TRIM69: variants seen among roughly 807,000 people sequenced by gnomAD.
The protein encoded by TRIM69 is tripartite motif containing 69.
In TRIM69, 29 loss-of-function variants were observed where a neutral mutation model predicts 37.7. That is an observed-to-expected ratio of 0.77 (90% CI 0.57 to 1.05). TRIM69 has a LOEUF of 1.05. Ranked by LOEUF, TRIM69 falls within the 50% of genes least tolerant of loss-of-function variation. The probability of loss-of-function intolerance (pLI) is 0.00; values close to 1 mark genes in which losing one functional copy is unlikely to be tolerated. For missense variants in TRIM69, 596 were observed against 579.9 expected (o/e 1.03, Z -0.28); for synonymous variants, 209 against 212.4 (o/e 0.98, Z 0.14).
At position 44,767,665 on chromosome 15, in the gene TRIM69, T is replaced by TA; in HGVS notation, c.1397dup (p.Tyr466Ter). The change falls in exon 7 of 7, where the codon TAC (tyrosine) becomes TAAC (stop). Residue 466 changes from tyrosine to a stop codon, truncating the protein, a stop_gained and frameshift_variant. Coordinates refer to ENST00000329464, the MANE Select transcript of TRIM69 (RefSeq NM_182985.5). LOFTEE classifies it high-confidence loss of function. The part of the protein sequence containing the change: ...FYNAKTMTHI[Y>*]TFSNTFMEKL... ...CAATGCTAAAACCATGACTCACATT[T>TA]ACACCTTCAGTAACACTTTCATGGA... 6.2e-7 allele frequency: 1 copy of TA among 1,614,224 alleles called. No individual in the cohort carries two copies. The highest frequency in any genetic ancestry group is 1.1e-5 in the South Asian group (1 of 91,086).
Position 44,739,224 on chromosome 15 carries a change from C to T in TRIM69, c.6+2514C>T, listed in dbSNP as rs2087226037. Among the ~76,000 whole-genome samples the T allele has an allele frequency of 2.6e-5, 4 of 152,276 alleles. No individual in the cohort carries two copies. The South Asian group carries it at 8.3e-4, about 32-fold the overall frequency. On this transcript the variant is annotated intron_variant, in intron 1 of 6. Transcript: ENST00000329464. ...GTAACCGCTATATATTTTAAACATA[C>T]TTTAAAAACACACGGAGGGGGCAGC...
chr15:44,749,368 A>G (rs985436315), intron 1 of TRIM69, among the ~76,000 whole-genome samples: 2 of 152,190 alleles, frequency 1.3e-5, no homozygotes, highest in African/African-American at 4.8e-5. Flanking sequence ...AGTCACTTCC[A>G]GTGATATGAG....
At chr15:44,760,011 G>A in intron 6 of TRIM69, 139 bp downstream of exon 6, 2 of 887,704 alleles carry the variant, frequency 2.3e-6, no homozygotes, top group Non-Finnish European at 3.4e-6. Context: ...AGGCTAGTTG[G>A]TATGACTGAA....
chr15:44,766,767 A>T (rs2087895254), intron 6 of TRIM69, among the ~76,000 whole-genome samples: 1 of 152,086 alleles, frequency 6.6e-6, no homozygotes. Flanking sequence ...AATAAAAAGC[A>T]TGTAAGTGGC....
At chr15:44,755,445 T>C in intron 2 of TRIM69, 69 bp downstream of exon 2, 1 of 1,147,738 alleles carries the variant, frequency 8.7e-7, no homozygotes. Context: ...GGGCTTCTTC[T>C]TTCTTCCAAC....
intron 6 of TRIM69, among the ~76,000 whole-genome samples, chr15:44,763,064 AC>A (rs1186757708): frequency 1.3e-5 from 2 of 152,182 alleles, no homozygotes; most frequent in East Asian, 1.9e-4. Flanking sequence ...CCAAATTGAT[AC>A]ATTATTAACT....
intron 6 of TRIM69, among the ~76,000 whole-genome samples, chr15:44,765,879 C>A (rs140636056): frequency 2.6e-5 from 4 of 152,228 alleles, no homozygotes; most frequent in African/African-American, 9.6e-5. Flanking sequence ...GTATCTGTGT[C>A]CATGGTGTGC....
At chr15:44,758,359 G>T in intron 3 of TRIM69, 1 of 551,254 alleles carries the variant, frequency 1.8e-6, no homozygotes, top group South Asian at 2.2e-5. Flanking sequence ...ATTTAATATG[G>T]CATTGGTTAC....
intron 2 of TRIM69, among the ~76,000 whole-genome samples, chr15:44,755,794 T>TGAGACTAG (rs2087633920): frequency 6.6e-6 from 1 of 152,208 alleles, no homozygotes; most frequent in African/African-American, 2.4e-5. Context: ...TTAGAATTTC[T>TGAGACTAG]GAGACTATTA....
At chr15:44,744,620 TA>T (rs1259236602) in intron 1 of TRIM69, among the ~76,000 whole-genome samples, 3 of 152,166 alleles carry the variant, frequency 2.0e-5, no homozygotes, top group Admixed American at 6.5e-5. Flanking sequence ...TGAATCTCTG[TA>T]AAATAACTTT....
intron 1 of TRIM69, chr15:44,754,068 T>C (rs1360532679): frequency 2.0e-5 from 3 of 152,026 alleles, no homozygotes; most frequent in Non-Finnish European, 2.9e-5. Flanking sequence ...ATTCTTATTA[T>C]GTCTGTTTGA....
Position 44,767,358 on chromosome 15 carries a change from A to G in TRIM69, c.1089A>G (p.Ser363=), listed in dbSNP as rs1211970301. The G allele has an allele frequency of 6.2e-7, 1 of 1,614,130 alleles. No individual in the cohort carries two copies. Among genetic ancestry groups the G allele is most frequent in the East Asian group, 2.2e-5 (1 of 44,878 alleles). The change falls in exon 7 of 7, where the codon TCA becomes TCG. Residue 363 remains serine (S), a synonymous_variant. Transcript: ENST00000329464. ...CTGATGATCCTGAGAGGTTTGACTCAAGTGTGGCTGTACTGGGCTCAAGAG... is the reference window on the plus strand; with the variant it reads ...CTGATGATCCTGAGAGGTTTGACTCGAGTGTGGCTGTACTGGGCTCAAGAG... The part of the protein sequence containing the change: ...IMPDDPERFD[S]SVAVLGSRGF...
intron 1 of TRIM69, among the ~76,000 whole-genome samples, chr15:44,741,979 T>C (rs995721799): frequency 2.2e-4 from 34 of 152,216 alleles, no homozygotes; most frequent in African/African-American, 7.2e-4. Flanking sequence ...AGGCCAGCAT[T>C]ATCCTTATAC....
intron 1 of TRIM69, chr15:44,754,674 A>C (rs1054394446): frequency 3.9e-6 from 2 of 514,762 alleles, no homozygotes; most frequent in Non-Finnish European, 6.8e-6. Flanking sequence ...TCTTTGATTT[A>C]GTACTGTTTC....
chr15:44,747,386 T>G (rs1438516840), intron 1 of TRIM69, among the ~76,000 whole-genome samples: 3 of 152,100 alleles, frequency 2.0e-5, no homozygotes, highest in Non-Finnish European at 2.9e-5. Context: ...CTCATACAAG[T>G]CTCTTGCAAA....
chr15:44,767,728 G>T lies in TRIM69; in HGVS notation c.1459G>T (p.Gly487Cys). The change falls in exon 7 of 7, where the codon GGT becomes TGT. Residue 487 changes from glycine (G) to cysteine (C), a missense_variant. Gly to Cys is a radical substitution (Grantham distance 159). Coordinates refer to ENST00000329464, the MANE Select transcript of TRIM69 (RefSeq NM_182985.5). ...YPYFCPCLND[G>C]GENKEPLHIL... Reference sequence around the variant, plus strand: ...CTACTTCTGCCCCTGCCTTAATGATGGTGGAGAGAATAAAGAACCATTGCA... The same window carrying T: ...CTACTTCTGCCCCTGCCTTAATGATTGTGGAGAGAATAAAGAACCATTGCA... 1 of 1,613,720 alleles carries T rather than the reference G, an allele frequency of 6.2e-7. No individual in the cohort carries two copies. The highest frequency in any genetic ancestry group is 1.3e-5 in the African/African-American group (1 of 75,014).
chr15:44,767,325 G>A lies in TRIM69; in HGVS notation c.1056G>A (p.Lys352=), dbSNP rs142877382. 9 of 1,614,000 alleles carry A rather than the reference G, an allele frequency of 5.6e-6. No individual in the cohort carries two copies. Among genetic ancestry groups the A allele is most frequent in the Admixed American group, 1.7e-5 (1 of 59,982 alleles). Residue 352 remains lysine (K), a synonymous_variant, in exon 7 of 7, where the codon AAG becomes AAA. Coordinates refer to ENST00000329464, the MANE Select transcript of TRIM69 (RefSeq NM_182985.5). ...GCGTCTGGCATGGTGACATTAAGAA[G>A]ATAATGCCTGATGATCCTGAGAGGT... ...QTSVWHGDIK[K]IMPDDPERFD...
intron 6 of TRIM69, among the ~76,000 whole-genome samples, chr15:44,762,686 T>C (rs1180623369): frequency 1.3e-5 from 2 of 152,202 alleles, no homozygotes; most frequent in Non-Finnish European, 2.9e-5. Context: ...ATTTCATTTC[T>C]AGAAGTTTCA....
At chr15:44,757,948 G>A (rs562601659) in intron 3 of TRIM69, 2 of 152,684 alleles carry the variant, frequency 1.3e-5, no homozygotes, top group East Asian at 3.9e-4. Flanking sequence ...TCGGTGAATA[G>A]GAGGTTTCAA....
Sources: gnomAD v4.1 joint callset for allele counts (sites outside exome capture counted in the v4.1 genomes callset) on GRCh38, gnomAD v4.1.1 for gene constraint, MANE v1.5 for transcripts, NCBI Gene and HGNC (gene_info 2026-07-23, HGNC 2026-07-21) for gene names.